CUL4A: variants seen among roughly 807,000 people sequenced by gnomAD.
CUL4A encodes the protein cullin 4A, also known as cullin-4A.
CUL4A carries 16 observed loss-of-function variants against 95.5 expected under a neutral mutation model. The observed-to-expected ratio is 0.17, with a 90% CI of 0.11 to 0.25. The LOEUF (loss-of-function observed/expected upper bound fraction) is 0.25, where lower values mean the gene tolerates loss of function less well. Ranked by LOEUF, CUL4A falls within the 10% of genes least tolerant of loss-of-function variation. CUL4A has a pLI of 1.00. For missense variants in CUL4A, 610 were observed against 937.0 expected (o/e 0.65, Z 4.56); for synonymous variants, 380 against 353.1 (o/e 1.08, Z -0.85).
In CUL4A at chr13:113,245,955, G is replaced by C. The variant is rs767266122; in HGVS notation, c.1531-1G>C. On this transcript the variant is annotated splice_acceptor_variant, in intron 14 of 19. Coordinates refer to ENST00000375440, the MANE Select transcript of CUL4A (RefSeq NM_001008895.4). LOFTEE classifies it high-confidence loss of function. ...GATTGTCTTGGATTTCTCTGTTTTA[G>C]CATATGCAGAATCAGAGTGACTCAG... 6.2e-7 allele frequency: 1 copy of C among 1,604,294 alleles called. No individual in the cohort carries two copies. Among genetic ancestry groups the C allele is most frequent in the Admixed American group, 1.7e-5 (1 of 59,390 alleles).
chr13:113,260,431 T>A (rs1180737850), intron 18 of CUL4A, among the ~76,000 whole-genome samples, 176 bp from the exon 19 acceptor site: 7 of 151,540 alleles, frequency 4.6e-5, no homozygotes, highest in Non-Finnish European at 1.0e-4. Flanking sequence ...GTGCCTGTGA[T>A]CCCAGCTACT....
chr13:113,223,477 C>T (rs1344474689), intron 3 of CUL4A, among the ~76,000 whole-genome samples: 1 of 152,190 alleles, frequency 6.6e-6, no homozygotes, highest in Non-Finnish European at 1.5e-5. Context: ...CTCACCGCAA[C>T]AACCTCCACT....
At chr13:113,224,417 C>T (rs1396707794) in intron 3 of CUL4A, among the ~76,000 whole-genome samples, 1 of 152,130 alleles carries the variant, frequency 6.6e-6, no homozygotes, top group African/African-American at 2.4e-5. Flanking sequence ...ATAGATGAAA[C>T]TCACATTTTC....
intron 15 of CUL4A, among the ~76,000 whole-genome samples, chr13:113,249,912 A>T (rs187586887): frequency 6.6e-6 from 1 of 152,242 alleles, no homozygotes; most frequent in Non-Finnish European, 1.5e-5. Context: ...ATGTCTGTTC[A>T]CGTGCTTTGC....
intron 18 of CUL4A, among the ~76,000 whole-genome samples, chr13:113,259,025 G>C (rs1264512688): frequency 6.6e-6 from 1 of 152,172 alleles, no homozygotes; most frequent in Non-Finnish European, 1.5e-5. Flanking sequence ...TTACATTTCT[G>C]ACGGTTTTTA....
chr13:113,264,570 A>G lies in CUL4A; in HGVS notation c.*988A>G, dbSNP rs966962226. 6.6e-6 allele frequency: 1 copy of G among 152,648 alleles called. No homozygotes were observed. The highest frequency in any genetic ancestry group is 1.5e-5 in the Non-Finnish European group (1 of 68,040). 9.5% of individuals were successfully genotyped at this position (152,648 alleles called of 1,614,324 possible). On this transcript the variant is annotated 3_prime_UTR_variant, in exon 20 of 20. Transcript: ENST00000375440. ...CTGGTTTTGTGTTGTGTATATATAC[A>G]TGAGGTTGAACAGTGAAAGGAAAGT...
Position 113,254,728 on chromosome 13 carries a change from A to G in CUL4A, c.1788A>G (p.Thr596=). 1.2e-6 allele frequency: 2 copies of G among 1,612,944 alleles called. No individual in the cohort carries two copies. The highest frequency in any genetic ancestry group is 1.7e-6 in the Non-Finnish European group (2 of 1,179,710). The part of the protein sequence containing the change: ...KKEFQVSLFQ[T]LVLLMFNEGD... ...AATTCCAGGTGTCCCTCTTCCAGACACTGGTGCTCCTCATGTTCAACGAGG... is the reference window on the plus strand; with the variant it reads ...AATTCCAGGTGTCCCTCTTCCAGACGCTGGTGCTCCTCATGTTCAACGAGG... Residue 596 remains threonine (T), a synonymous_variant, in exon 17 of 20, where the codon ACA becomes ACG. Coordinates refer to ENST00000375440, the MANE Select transcript of CUL4A (RefSeq NM_001008895.4).
At chr13:113,261,017 G>C (rs1339656197) in intron 19 of CUL4A, among the ~76,000 whole-genome samples, 1 of 152,188 alleles carries the variant, frequency 6.6e-6, no homozygotes, top group Non-Finnish European at 1.5e-5. Context: ...GAAGGGAAGA[G>C]GTAGATGGGA....
In CUL4A at chr13:113,260,210, A is replaced by AAAAAAAAACAAAACAAAAC. The variant is rs1487412925; in HGVS notation, c.2032-389_2032-388insCAAAACAAAACAAAAAAAA. On this transcript the variant is annotated intron_variant, in intron 18 of 19. Transcript: ENST00000375440. ...CAGAGTGAGACTCCGTCTCAAAAAA[A>AAAAAAAAACAAAACAAAAC]AAAAAAAAACCATTTCCCATCAAAT... Among the ~76,000 whole-genome samples, 3 of 127,600 alleles carry AAAAAAAAACAAAACAAAAC rather than the reference A, an allele frequency of 2.4e-5. 1 individual carries two copies. Among genetic ancestry groups the AAAAAAAAACAAAACAAAAC allele is most frequent in the African/African-American group, 8.5e-5 (3 of 35,466 alleles). 83.7% of individuals were successfully genotyped at this position (127,600 alleles called of 152,430 possible).
chr13:113,234,384 T>C (rs2041467200), intron 7 of CUL4A, among the ~76,000 whole-genome samples: 1 of 152,106 alleles, frequency 6.6e-6, no homozygotes, highest in Non-Finnish European at 1.5e-5. Context: ...GTAGTAGTAA[T>C]AGGAACCCAA....
intron 18 of CUL4A, among the ~76,000 whole-genome samples, chr13:113,260,147 T>C (rs377684360): frequency 7.9e-6 from 1 of 126,714 alleles, no homozygotes; most frequent in Non-Finnish European, 1.6e-5. Context: ...GAGCTTGTAG[T>C]GAGCCGAGAT....
intron 7 of CUL4A, among the ~76,000 whole-genome samples, chr13:113,234,666 C>T (rs2041478418): frequency 6.6e-6 from 1 of 152,198 alleles, no homozygotes; most frequent in South Asian, 2.1e-4. Flanking sequence ...AAATGAACAA[C>T]CACCTTGTTG....
intron 9 of CUL4A, 144 bp downstream of exon 9, chr13:113,237,034 GTT>G (rs2041567900): frequency 1.7e-6 from 1 of 597,516 alleles, no homozygotes; most frequent in East Asian, 3.1e-5. Context: ...TAATGAACAT[GTT>G]AGCCATCCAC....
In CUL4A at chr13:113,219,396, C is replaced by A. The variant is rs2040815565; in HGVS notation, c.368+348C>A. The A allele has an allele frequency of 2.4e-5, 5 of 204,574 alleles. No homozygotes were observed. The South Asian group carries it at 3.0e-4, about 12-fold the overall frequency. The allele number at this position is 204,574 out of a possible 1,614,324, so 12.7% of individuals were successfully genotyped here. A position where few individuals can be genotyped will look rare whatever the true frequency, so the allele number is the denominator to read the frequency against. ...ACTTGGCGACTTATGGAGACACCCA[C>A]TTATCAGCGCACAGTTGTGTCTGTC... On this transcript the variant is annotated intron_variant, in intron 3 of 19. Coordinates refer to ENST00000375440, the MANE Select transcript of CUL4A (RefSeq NM_001008895.4).
intron 15 of CUL4A, among the ~76,000 whole-genome samples, chr13:113,250,280 C>T (rs144615942): frequency 2.0e-5 from 3 of 152,056 alleles, no homozygotes; most frequent in Non-Finnish European, 2.9e-5. Context: ...GGTAAAGCCC[C>T]GTCTCTACAA....
intron 3 of CUL4A, among the ~76,000 whole-genome samples, chr13:113,227,709 G>C (rs1016665079): frequency 1.3e-5 from 2 of 152,066 alleles, no homozygotes; most frequent in Admixed American, 6.5e-5. Flanking sequence ...TTCGAGATCA[G>C]CCTGACCAAC....
At chr13:113,222,573 G>T (rs775916605) in intron 3 of CUL4A, among the ~76,000 whole-genome samples, 1 of 152,170 alleles carries the variant, frequency 6.6e-6, no homozygotes, top group Non-Finnish European at 1.5e-5. Flanking sequence ...GATGCCTGTT[G>T]TGCATTTGGG....
chr13:113,214,915 C>T (rs2040588691), intron 2 of CUL4A, among the ~76,000 whole-genome samples: 1 of 151,480 alleles, frequency 6.6e-6, no homozygotes, highest in Non-Finnish European at 1.5e-5. Context: ...GGTCTCGTCC[C>T]GTGTGGCTGT....
At chr13:113,226,435 C>T (rs1372313862) in intron 3 of CUL4A, among the ~76,000 whole-genome samples, 6 of 152,140 alleles carry the variant, frequency 3.9e-5, no homozygotes, top group Non-Finnish European at 8.8e-5. Context: ...GTCTGCACCA[C>T]GAGGTTGGGG....
Sources: gnomAD v4.1 joint callset for allele counts (sites outside exome capture counted in the v4.1 genomes callset) on GRCh38, gnomAD v4.1.1 for gene constraint, MANE v1.5 for transcripts, NCBI Gene and HGNC (gene_info 2026-07-23, HGNC 2026-07-21) for gene names.